PTPRK: variants seen among roughly 807,000 people sequenced by gnomAD.
PTPRK encodes protein tyrosine phosphatase receptor type K.
A neutral mutation model predicts 178.0 loss-of-function variants in PTPRK; 75 were observed. That is an observed-to-expected ratio of 0.42 (90% CI 0.35 to 0.51). The LOEUF is 0.51. Among genes scored for constraint, PTPRK ranks in the 20% least tolerant of loss-of-function variants. PTPRK has a pLI of 0.02. For missense variants in PTPRK, 1,441 were observed against 1,797.8 expected (o/e 0.80, Z 3.59); for synonymous variants, 637 against 620.6 (o/e 1.03, Z -0.39).
chr6:128,153,214 C>G (rs1797519620), intron 7 of PTPRK, among the ~76,000 whole-genome samples: 1 of 151,620 alleles, frequency 6.6e-6, no homozygotes. Flanking sequence ...CAAAGAAAGA[C>G]TAGACACTTG....
chr6:128,408,656 C>T (rs895237625), intron 1 of PTPRK, among the ~76,000 whole-genome samples: 1 of 152,172 alleles, frequency 6.6e-6, no homozygotes, highest in Non-Finnish European at 1.5e-5. Context: ...TTCTACCCTA[C>T]ATAAATTGTT....
intron 3 of PTPRK, among the ~76,000 whole-genome samples, chr6:128,244,922 G>T (rs1242057644): frequency 6.6e-6 from 1 of 152,158 alleles, no homozygotes; most frequent in African/African-American, 2.4e-5. Flanking sequence ...AAACTAATAA[G>T]CATCACTTGG....
chr6:128,413,829 C>A (rs576043878), intron 1 of PTPRK, among the ~76,000 whole-genome samples: 5 of 152,134 alleles, frequency 3.3e-5, no homozygotes, highest in Non-Finnish European at 5.9e-5. Flanking sequence ...ACTGACCCAA[C>A]TTTTCAAAAC....
At chr6:128,205,925 TGTTA>T (rs2128261484) in intron 6 of PTPRK, among the ~76,000 whole-genome samples, 2 of 152,150 alleles carry the variant, frequency 1.3e-5, no homozygotes, top group African/African-American at 4.8e-5. Context: ...TCCATATAGT[TGTTA>T]GTAACTGAAT....
chr6:128,279,478 T>C (rs1821339193), intron 3 of PTPRK, among the ~76,000 whole-genome samples: 1 of 152,180 alleles, frequency 6.6e-6, no homozygotes, highest in Admixed American at 6.6e-5. Context: ...AACTGCAGAA[T>C]TGCTTATCAG....
intron 1 of PTPRK, among the ~76,000 whole-genome samples, chr6:128,445,198 A>ATT (rs1491527144): frequency 8.3e-6 from 1 of 119,890 alleles, no homozygotes; most frequent in African/African-American, 3.9e-5. Context: ...CTACTATTTT[A>ATT]TTTATATATA....
At chr6:128,111,020 C>CA (rs1790566287) in intron 7 of PTPRK, among the ~76,000 whole-genome samples, 1 of 152,108 alleles carries the variant, frequency 6.6e-6, no homozygotes, top group African/African-American at 2.4e-5. Context: ...GTTCAAATGA[C>CA]ACAATTGTTG....
intron 6 of PTPRK, among the ~76,000 whole-genome samples, chr6:128,194,102 A>ATTT (rs202171859): frequency 0.017 from 2,539 of 145,440 alleles, 85 homozygotes; most frequent in East Asian, 0.14. Flanking sequence ...TATTATTATT[A>ATTT]GGAAACGGAG....
At chr6:128,028,847 T>G (rs1246990881) in intron 13 of PTPRK, among the ~76,000 whole-genome samples, 2 of 152,168 alleles carry the variant, frequency 1.3e-5, no homozygotes, top group Non-Finnish European at 2.9e-5. Flanking sequence ...GGTTTCTGAT[T>G]TAAGGTTAGG....
intron 3 of PTPRK, among the ~76,000 whole-genome samples, chr6:128,313,267 AT>A (rs558353375): frequency 6.6e-6 from 1 of 152,124 alleles, no homozygotes; most frequent in Non-Finnish European, 1.5e-5. Context: ...TGTGAGGATG[AT>A]TTTTTTAAAA....
chr6:128,479,861 T>C (rs761441344), intron 1 of PTPRK, among the ~76,000 whole-genome samples: 3 of 152,130 alleles, frequency 2.0e-5, no homozygotes, highest in Non-Finnish European at 4.4e-5. Context: ...ATAATCTTCA[T>C]TTCCTCCACA....
chr6:128,279,743 C>CA (rs1166828976), intron 3 of PTPRK, among the ~76,000 whole-genome samples: 1 of 152,034 alleles, frequency 6.6e-6, no homozygotes, highest in Non-Finnish European at 1.5e-5. Context: ...CAAAAGTAGC[C>CA]ATACAATTTT....
chr6:128,025,451 C>A (rs1214554683), intron 13 of PTPRK, among the ~76,000 whole-genome samples: 2 of 152,036 alleles, frequency 1.3e-5, no homozygotes, highest in East Asian at 1.9e-4. Context: ...ATTAGAAAAC[C>A]CTGGTTCTAT....
chr6:128,293,735 T>C (rs1048814361), intron 3 of PTPRK, among the ~76,000 whole-genome samples: 5 of 152,238 alleles, frequency 3.3e-5, no homozygotes, highest in South Asian at 4.1e-4. Context: ...TTATCTGAAT[T>C]ACAGGCTCTT....
chr6:128,242,086 A>C (rs2128284272), intron 4 of PTPRK, among the ~76,000 whole-genome samples: 1 of 152,150 alleles, frequency 6.6e-6, no homozygotes, highest in Middle Eastern at 3.4e-3. Flanking sequence ...ATTTGGAATA[A>C]GGTGAACTAA....
chr6:128,109,558 C>G (rs944770735), intron 7 of PTPRK, among the ~76,000 whole-genome samples: 1 of 152,104 alleles, frequency 6.6e-6, no homozygotes, highest in Admixed American at 6.6e-5. Flanking sequence ...TAATGTGAAT[C>G]TCTTTGTGCT....
At position 128,181,338 on chromosome 6, in the gene PTPRK, G is replaced by A. The variant is rs564524997; in HGVS notation, c.1162+3094C>T. 7.9e-5 allele frequency among the ~76,000 whole-genome samples: 12 copies of A among 151,918 alleles called. No individual in the cohort carries two copies. The South Asian group carries it at 2.1e-3, about 26-fold the overall frequency. Reference sequence around the variant, plus strand: ...TTGTAAGTAATTTACTTTTTGATTGGTACTTATTTTTACAGCCACATAGTC... The same window carrying A: ...TTGTAAGTAATTTACTTTTTGATTGATACTTATTTTTACAGCCACATAGTC... On this transcript the variant is annotated intron_variant, in intron 7 of 29. Transcript: ENST00000368226.
At chr6:128,474,035 C>T (rs530422738) in intron 1 of PTPRK, among the ~76,000 whole-genome samples, 37 of 152,064 alleles carry the variant, frequency 2.4e-4, no homozygotes, top group African/African-American at 8.7e-4. Context: ...GTCTTAGGCT[C>T]GAGAAATAAT....
intron 7 of PTPRK, among the ~76,000 whole-genome samples, chr6:128,100,421 T>C (rs1788598053): frequency 6.6e-6 from 1 of 151,978 alleles, no homozygotes; most frequent in South Asian, 2.1e-4. Flanking sequence ...CTTATGAATA[T>C]TCTCACTTTA....
Sources: gnomAD v4.1 joint callset for allele counts (sites outside exome capture counted in the v4.1 genomes callset) on GRCh38, gnomAD v4.1.1 for gene constraint, MANE v1.5 for transcripts, NCBI Gene and HGNC (gene_info 2026-07-23, HGNC 2026-07-21) for gene names.